Variants in GATA4 observed in about 807,000 individuals in gnomAD.
GATA4 encodes the protein transcription factor GATA-4.
In GATA4, 7 loss-of-function variants were observed where a neutral mutation model predicts 37.9. The observed-to-expected ratio is 0.18, with a 90% CI of 0.11 to 0.35. The LOEUF (loss-of-function observed/expected upper bound fraction) is 0.35, where lower values mean the gene tolerates loss of function less well. Among genes scored for constraint, GATA4 ranks in the 10% least tolerant of loss-of-function variants. GATA4 has a pLI of 1.00. For missense variants in GATA4, 647 were observed against 653.0 expected, an observed-to-expected ratio of 0.99 and a Z score of 0.10; for synonymous variants, 372 against 292.6, an observed-to-expected ratio of 1.27 and a Z score of -2.77.
chr8:11,698,024 A>G, intron 1 of GATA4: 6 of 984,958 alleles, frequency 6.1e-6, no homozygotes, highest in Non-Finnish European at 7.2e-6. Context: ...GGAGCCCTGG[A>G]CTCTGGGTTG....
At chr8:11,735,713 C>A (rs11250162) in intron 2 of GATA4, among the ~76,000 whole-genome samples, 1 of 152,046 alleles carries the variant, frequency 6.6e-6, no homozygotes, top group Non-Finnish European at 1.5e-5. Context: ...CAGGCATGTG[C>A]CACCACGCTG....
intron 2 of GATA4, among the ~76,000 whole-genome samples, chr8:11,716,028 T>G (rs1800419829): frequency 6.6e-6 from 1 of 152,188 alleles, no homozygotes; most frequent in South Asian, 2.1e-4. Flanking sequence ...TCATCCATGT[T>G]GTAGCATGTG....
chr8:11,725,674 G>A (rs186102295), intron 2 of GATA4, among the ~76,000 whole-genome samples: 30 of 152,346 alleles, frequency 2.0e-4, no homozygotes, highest in Non-Finnish European at 7.3e-5. Context: ...CAGACTTGCT[G>A]CTGCCTGCCT....
Position 11,750,154 on chromosome 8 carries a change from C to G in GATA4, c.830C>G (p.Thr277Ser), listed in dbSNP as rs1186411920. Reference protein sequence around the residue: ...RVGLSCANCQTTTTTLWRRNA... With the variant: ...RVGLSCANCQSTTTTLWRRNA... ...GGCCTCTCCTGTGCCAACTGCCAGA[C>G]CACCACCACCACGCTGTGGCGCCGC... Residue 277 changes from threonine to serine, a missense_variant, in exon 4 of 7, where the codon ACC becomes AGC. Thr to Ser is a moderately conservative substitution (Grantham distance 58, BLOSUM62 1). Coordinates refer to ENST00000532059, the MANE Select transcript of GATA4 (RefSeq NM_001308093.3). The G allele has an allele frequency of 1.2e-6, 2 of 1,613,140 alleles. No individual in the cohort carries two copies. The highest frequency in any genetic ancestry group is 2.7e-5 in the African/African-American group (2 of 74,948).
intron 2 of GATA4, among the ~76,000 whole-genome samples, chr8:11,724,242 A>T (rs552316421): frequency 1.3e-5 from 2 of 152,218 alleles, no homozygotes; most frequent in African/African-American, 4.8e-5. Flanking sequence ...GCGTCTGCCC[A>T]TTGACCATTG....
At chr8:11,704,758 G>A (rs373977659) in intron 1 of GATA4, among the ~76,000 whole-genome samples, 2 of 152,250 alleles carry the variant, frequency 1.3e-5, no homozygotes, top group South Asian at 4.1e-4. Flanking sequence ...ACGCAGGGTG[G>A]CAGTGCCAGG....
At chr8:11,688,237 A>G (rs1799201648), upstream of GATA4, among the ~76,000 whole-genome samples, 1 of 152,252 alleles carries the variant, frequency 6.6e-6, no homozygotes, top group Non-Finnish European at 1.5e-5. Context: ...CTATACATTT[A>G]TAATGCGTCT....
At chr8:11,751,822 G>A (rs1213477967) in intron 4 of GATA4, among the ~76,000 whole-genome samples, 6 of 152,048 alleles carry the variant, frequency 3.9e-5, no homozygotes, top group Non-Finnish European at 7.4e-5. Flanking sequence ...ATGGATTTGG[G>A]GAATTAGATA....
At chr8:11,751,871 C>T (rs1374338234) in intron 4 of GATA4, among the ~76,000 whole-genome samples, 2 of 152,204 alleles carry the variant, frequency 1.3e-5, no homozygotes, top group Non-Finnish European at 2.9e-5. Context: ...ATTACTGCAT[C>T]TATTAACTTA....
At chr8:11,703,034 T>C (rs1366742079), upstream of GATA4, among the ~76,000 whole-genome samples, 2 of 152,176 alleles carry the variant, frequency 1.3e-5, no homozygotes, top group East Asian at 1.9e-4. Context: ...GAATCCACGA[T>C]TGATTTCCTA....
intron 1 of GATA4, among the ~76,000 whole-genome samples, chr8:11,677,458 A>G (rs1205266735): frequency 1.3e-5 from 2 of 152,142 alleles, no homozygotes; most frequent in South Asian, 2.1e-4. Context: ...AAATACATAC[A>G]CACCAGAAAT....
intron 2 of GATA4, among the ~76,000 whole-genome samples, chr8:11,743,625 C>T (rs1801872729): frequency 6.6e-6 from 1 of 152,244 alleles, no homozygotes; most frequent in African/African-American, 2.4e-5. Context: ...CTTCCCTCTC[C>T]CCGCCCTGAC....
At chr8:11,687,332 C>T (rs992882563) in intron 1 of GATA4, among the ~76,000 whole-genome samples, 4 of 152,120 alleles carry the variant, frequency 2.6e-5, no homozygotes, top group African/African-American at 9.7e-5. Context: ...CCTCCCCCCG[C>T]AGAGAATTAT....
At position 11,750,719 on chromosome 8, in the gene GATA4, G is replaced by C. The variant is rs116182726; in HGVS notation, c.912+483G>C. Among the ~76,000 whole-genome samples the C allele has an allele frequency of 2.0e-3, 294 of 146,006 alleles. 2 individuals carry two copies. The highest frequency in any genetic ancestry group is 7.1e-3 in the African/African-American group (279 of 39,066). ...AGGCTGAGGCAGAAGGATTGCATGAGCTCAGGATTTCAAAACCAACCTGGA... is the reference window on the plus strand; with the variant it reads ...AGGCTGAGGCAGAAGGATTGCATGACCTCAGGATTTCAAAACCAACCTGGA... On this transcript the variant is annotated intron_variant, in intron 4 of 6. Coordinates refer to ENST00000532059, the MANE Select transcript of GATA4 (RefSeq NM_001308093.3).
At chr8:11,720,707 C>G (rs899058831) in intron 2 of GATA4, among the ~76,000 whole-genome samples, 4 of 152,274 alleles carry the variant, frequency 2.6e-5, no homozygotes, top group African/African-American at 7.2e-5. Context: ...CGGTTAGTTT[C>G]CTTTCCTGCA....
chr8:11,724,480 G>A (rs139526820), intron 2 of GATA4, among the ~76,000 whole-genome samples: 139 of 152,078 alleles, frequency 9.1e-4, no homozygotes, highest in Non-Finnish European at 1.5e-3. Context: ...CATCTCCAAC[G>A]TAATTCTTCA....
rs1034084900 is a variant in GATA4, at chr8:11,709,710, A to G, written c.616+782A>G. Among the ~76,000 whole-genome samples, 1 of 152,142 alleles carries G rather than the reference A, an allele frequency of 6.6e-6. No homozygotes were observed. Among genetic ancestry groups the G allele is most frequent in the African/African-American group, 2.4e-5 (1 of 41,438 alleles). On this transcript the variant is annotated intron_variant, in intron 2 of 6. Transcript: ENST00000532059. The surrounding 1 kb of genome is among the most constrained non-coding windows in gnomAD (Gnocchi z 4.3). ...GGAGCCTCCTCTTCTCGCGTGGGCC[A>G]GGGTTGGAAATAACCGTTGTGGTAG...
intron 2 of GATA4, among the ~76,000 whole-genome samples, chr8:11,714,991 T>G (rs1800374457): frequency 6.6e-6 from 1 of 152,194 alleles, no homozygotes; most frequent in Non-Finnish European, 1.5e-5. Flanking sequence ...CACATATTAA[T>G]TTCAGCATTG....
Position 11,708,248 on chromosome 8 carries a change from C to A in GATA4, c.-65C>A, listed in dbSNP as rs1442556626. 5.2e-6 allele frequency: 8 copies of A among 1,527,582 alleles called. No homozygotes were observed. The highest frequency in any genetic ancestry group is 7.0e-6 in the Non-Finnish European group (8 of 1,138,398). The allele number at this position is 1,527,582 out of a possible 1,614,324, so 94.6% of individuals were successfully genotyped here. Reference sequence around the variant, plus strand: ...TATCGTTGTTGCCGTCGTTTTCTCTCCCCGCGTGGCTCCTTGACCTGCGAG... The same window carrying A: ...TATCGTTGTTGCCGTCGTTTTCTCTACCCGCGTGGCTCCTTGACCTGCGAG... On this transcript the variant is annotated 5_prime_UTR_variant, in exon 2 of 7. Transcript: ENST00000532059. The surrounding 1 kb of genome is among the most constrained non-coding windows in gnomAD (Gnocchi z 6.7).
Sources: gnomAD v4.1 joint callset for allele counts (sites outside exome capture counted in the v4.1 genomes callset) on GRCh38, gnomAD v4.1.1 for gene constraint, Gnocchi (gnomAD v3.1) non-coding constraint, MANE v1.5 for transcripts, NCBI Gene and HGNC (gene_info 2026-07-23, HGNC 2026-07-21) for gene names.